AKAP9: variants seen among roughly 807,000 people sequenced by gnomAD.
AKAP9 encodes the protein A-kinase anchor protein 9.
A neutral mutation model predicts 488.5 loss-of-function variants in AKAP9; 311 were observed. The ratio of observed to expected loss-of-function variants is 0.64; its 90% confidence interval spans 0.58 to 0.70. The LOEUF (loss-of-function observed/expected upper bound fraction) is 0.70, where lower values mean the gene tolerates loss of function less well. Among genes scored for constraint, AKAP9 ranks in the 30% least tolerant of loss-of-function variants. AKAP9 has a pLI of 0.00. For missense variants in AKAP9, 4,215 were observed against 4,374.5 expected (o/e 0.96, Z 1.03); for synonymous variants, 1,462 against 1,483.5 (o/e 0.99, Z 0.33).
At chr7:91,968,630 A>G (rs1456167145) in intron 1 of AKAP9, among the ~76,000 whole-genome samples, 9 of 151,864 alleles carry the variant, frequency 5.9e-5, no homozygotes, top group African/African-American at 2.2e-4. Flanking sequence ...CCTTTCTTCT[A>G]CTAATTTTGG....
At chr7:92,053,073 C>G in intron 22 of AKAP9, 115 bp downstream of exon 22, 1 of 833,626 alleles carries the variant, frequency 1.2e-6, no homozygotes, top group Non-Finnish European at 2.0e-6. Flanking sequence ...ATTTTCAAAG[C>G]TTGAATGCAT....
intron 2 of AKAP9, among the ~76,000 whole-genome samples, chr7:91,977,520 C>T (rs1584670119): frequency 1.3e-5 from 2 of 152,340 alleles, no homozygotes; most frequent in East Asian, 3.9e-4. Flanking sequence ...CACGTCACTA[C>T]ACTCCAGCCT....
intron 24 of AKAP9, chr7:92,063,432 C>CTTTTTTTTT (rs35933206): frequency 1.2e-6 from 1 of 837,830 alleles, no homozygotes. Context: ...TTTGTTGTGT[C>CTTTTTTTTT]TTTTTTTTTT....
chr7:92,100,770 C>T, intron 44 of AKAP9, 86 bp from the exon 45 acceptor site: 3 of 1,503,636 alleles, frequency 2.0e-6, no homozygotes, highest in South Asian at 2.3e-5. Context: ...AAAGTTGAGA[C>T]TGCATCATCA....
chr7:92,026,331 C>CCTCTCT (rs1554418388), intron 14 of AKAP9, among the ~76,000 whole-genome samples: 8 of 151,996 alleles, frequency 5.3e-5, no homozygotes, highest in African/African-American at 1.7e-4. Context: ...TCTCCCTCTC[C>CCTCTCT]CTCTCTTCTC....
At position 92,085,634 on chromosome 7, in the gene AKAP9, T is replaced by A. The variant is rs996476158; in HGVS notation, c.8972T>A (p.Ile2991Asn). Residue 2991 changes from isoleucine (I) to asparagine (N), a missense_variant, in exon 36 of 50, where the codon ATC becomes AAC. Ile to Asn is a moderately radical substitution (Grantham distance 149). Transcript: ENST00000356239. ...LEERKAYINT[I>N]SSLKDLITKM... is the part of the protein sequence containing the mutation. ...GAGAGAAAAGCTTACATCAATACAA[T>A]CTCATCTCTAAAGGATTTAATTACA... is the stretch of plus-strand genomic sequence containing the variant. The A allele has an allele frequency of 6.2e-7, 1 of 1,613,614 alleles. No individual in the cohort carries two copies. Among genetic ancestry groups the A allele is most frequent in the African/African-American group, 1.3e-5 (1 of 74,856 alleles).
At chr7:92,093,694 G>T (rs181573968) in intron 39 of AKAP9, among the ~76,000 whole-genome samples, 35 of 152,200 alleles carry the variant, frequency 2.3e-4, no homozygotes, top group African/African-American at 7.7e-4. Context: ...ATATTTCTTG[G>T]TATAAATACT....
chr7:92,061,769 T>C (rs1336821928), intron 23 of AKAP9, among the ~76,000 whole-genome samples: 3 of 151,804 alleles, frequency 2.0e-5, no homozygotes, highest in African/African-American at 7.3e-5. Context: ...AAGATGTTAT[T>C]AAATTGTTAA....
intron 30 of AKAP9, among the ~76,000 whole-genome samples, chr7:92,078,577 G>GAA (rs550699193): frequency 9.4e-6 from 1 of 106,024 alleles, no homozygotes. Context: ...GTCTCAAAAA[G>GAA]AAAAAAAAAA....
intron 20 of AKAP9, chr7:92,043,028 T>C (rs1299064157): frequency 3.5e-6 from 1 of 282,962 alleles, no homozygotes; most frequent in Non-Finnish European, 6.8e-6. Flanking sequence ...TAACTGTTAA[T>C]CACCTGATGT....
intron 22 of AKAP9, among the ~76,000 whole-genome samples, chr7:92,059,755 CTG>C (rs1443766294): frequency 1.3e-5 from 2 of 151,562 alleles, no homozygotes; most frequent in South Asian, 2.1e-4. Context: ...TGGATTGTGA[CTG>C]TAAATTCCCA....
intron 21 of AKAP9, among the ~76,000 whole-genome samples, chr7:92,047,820 A>G (rs899006749): frequency 2.0e-5 from 3 of 152,256 alleles, no homozygotes; most frequent in Non-Finnish European, 4.4e-5. Context: ...AGAATATTGT[A>G]GCAGAGATAA....
chr7:92,081,509 T>TTC (rs1813576078), intron 31 of AKAP9, among the ~76,000 whole-genome samples: 1 of 145,282 alleles, frequency 6.9e-6, no homozygotes, highest in Non-Finnish European at 1.5e-5. Flanking sequence ...TTTTTTTTTT[T>TTC]TAGTAGAGAC....
At chr7:92,034,748 C>T (rs1804916432) in intron 16 of AKAP9, among the ~76,000 whole-genome samples, 1 of 151,518 alleles carries the variant, frequency 6.6e-6, no homozygotes, top group African/African-American at 2.4e-5. Flanking sequence ...ATCCACCCAC[C>T]TCGGCCTCCC....
At chr7:91,994,149 A>G (rs1008709971) in intron 5 of AKAP9, among the ~76,000 whole-genome samples, 1 of 152,142 alleles carries the variant, frequency 6.6e-6, no homozygotes, top group African/African-American at 2.4e-5. Context: ...CAGAAAAACG[A>G]TGTCAGTGGG....
chr7:91,949,413 T>G (rs1023458120), intron 1 of AKAP9, among the ~76,000 whole-genome samples: 1 of 152,220 alleles, frequency 6.6e-6, no homozygotes, highest in Non-Finnish European at 1.5e-5. Flanking sequence ...CATGAGCAGC[T>G]GTTTTACAAG....
At chr7:92,097,528 A>G (rs1816824836) in intron 41 of AKAP9, 58 bp from the exon 42 acceptor site, 1 of 1,565,746 alleles carries the variant, frequency 6.4e-7, no homozygotes, top group Non-Finnish European at 8.8e-7. Flanking sequence ...CTTAAGATAG[A>G]CTGTGATATG....
At chr7:91,979,348 C>T (rs1160993002) in intron 2 of AKAP9, among the ~76,000 whole-genome samples, 1 of 152,068 alleles carries the variant, frequency 6.6e-6, no homozygotes, top group South Asian at 2.1e-4. Flanking sequence ...AGGGAAACCC[C>T]TTATAAAACC....
chr7:92,044,860 T>C, intron 20 of AKAP9, 148 bp from the exon 21 acceptor site: 1 of 615,996 alleles, frequency 1.6e-6, no homozygotes, highest in Non-Finnish European at 2.8e-6. Flanking sequence ...AAGCACTTTA[T>C]TGTAGATGCT....
Sources: allele counts gnomAD v4.1 joint callset (sites outside exome capture counted in the v4.1 genomes callset), GRCh38; gene constraint gnomAD v4.1.1; transcripts MANE v1.5; gene names NCBI Gene and HGNC (gene_info 2026-07-23, HGNC 2026-07-21).